The following DDX60L variants were observed in gnomAD, a reference collection of about 807,000 sequenced individuals.
DDX60L encodes the protein probable ATP-dependent RNA helicase DDX60-like.
In DDX60L, 191 loss-of-function variants were observed where a neutral mutation model predicts 211.6. That is an observed-to-expected ratio of 0.90 (90% CI 0.80 to 1.02). DDX60L has a LOEUF of 1.02. Ranked by LOEUF, DDX60L falls within the 50% of genes least tolerant of loss-of-function variation. DDX60L has a pLI of 0.00. For missense variants in DDX60L, 2,007 were observed against 1,984.1 expected (o/e 1.01, Z -0.22); for synonymous variants, 706 against 694.1 (o/e 1.02, Z -0.27).
chr4:168,466,397 C>T (rs1008937090), intron 4 of DDX60L, among the ~76,000 whole-genome samples: 7 of 152,094 alleles, frequency 4.6e-5, no homozygotes, highest in Non-Finnish European at 8.8e-5. Context: ...ATCTGTGAGG[C>T]TTTGTCACAT....
chr4:168,405,079 G>A (rs894701736), intron 24 of DDX60L, among the ~76,000 whole-genome samples: 2 of 151,768 alleles, frequency 1.3e-5, no homozygotes, highest in African/African-American at 4.8e-5. Context: ...CATGATCTTG[G>A]CTCACTGCAA....
At chr4:168,386,020 G>C (rs933720362) in intron 29 of DDX60L, among the ~76,000 whole-genome samples, 1 of 152,098 alleles carries the variant, frequency 6.6e-6, no homozygotes, top group Non-Finnish European at 1.5e-5. Flanking sequence ...AGGGGAGAGA[G>C]AGAGGGAGGA....
At position 168,379,714 on chromosome 4, in the gene DDX60L, G is replaced by A. The variant is rs1742600030; in HGVS notation, c.4221+12C>T. The stretch of plus-strand genomic sequence containing the variant: ...TAGTTACAGAGAACAAAAAGCCAAA[G>A]CACGATGATACCTCTTTGATAAGGA... On this transcript the variant is annotated intron_variant, in intron 31 of 37. Coordinates refer to ENST00000682922, the MANE Select transcript of DDX60L (RefSeq NM_001012967.3). 1 of 1,603,484 alleles carries A rather than the reference G, an allele frequency of 6.2e-7. No individual in the cohort carries two copies. The highest frequency in any genetic ancestry group is 1.7e-5 in the Admixed American group (1 of 59,504).
intron 9 of DDX60L, among the ~76,000 whole-genome samples, chr4:168,445,068 C>A (rs1754548131): frequency 9.1e-6 from 1 of 109,426 alleles, no homozygotes; most frequent in Non-Finnish European, 1.9e-5. Flanking sequence ...AAAAACCCTT[C>A]AAAAAATTAA....
At chr4:168,431,694 A>T (rs1055005057) in intron 12 of DDX60L, among the ~76,000 whole-genome samples, 1 of 152,124 alleles carries the variant, frequency 6.6e-6, no homozygotes, top group South Asian at 2.1e-4. Flanking sequence ...CTAAAACTTA[A>T]AGTATAATAA....
intron 5 of DDX60L, among the ~76,000 whole-genome samples, chr4:168,460,419 A>G (rs1757167257): frequency 1.3e-5 from 2 of 152,042 alleles, no homozygotes; most frequent in Non-Finnish European, 2.9e-5. Context: ...CCTCCATGTT[A>G]CCCATCATTT....
At chr4:168,396,478 T>C (rs746844269) in intron 26 of DDX60L, among the ~76,000 whole-genome samples, 1 of 152,072 alleles carries the variant, frequency 6.6e-6, no homozygotes, top group East Asian at 1.9e-4. Flanking sequence ...TGGCACAGTC[T>C]AGAATTAGTT....
chr4:168,470,875 C>T, intron 4 of DDX60L: 1 of 258,288 alleles, frequency 3.9e-6, no homozygotes, highest in South Asian at 3.6e-5. Flanking sequence ...ACAGGCAAAA[C>T]TCAAGAAGGC....
At chr4:168,417,924 G>A (rs1749851425) in intron 19 of DDX60L, among the ~76,000 whole-genome samples, 1 of 152,184 alleles carries the variant, frequency 6.6e-6, no homozygotes, top group Non-Finnish European at 1.5e-5. Context: ...GATCTAGTCA[G>A]ATAATCGCCC....
chr4:168,427,356 T>C, intron 13 of DDX60L, 34 bp from the exon 14 acceptor site: 2 of 1,589,912 alleles, frequency 1.3e-6, no homozygotes, highest in African/African-American at 1.3e-5. Flanking sequence ...ATGAAACAAG[T>C]GGGAAAATTC....
At chr4:168,426,918 TATA>T (rs1751544073) in intron 14 of DDX60L, among the ~76,000 whole-genome samples, 149 bp downstream of exon 14, 1 of 152,218 alleles carries the variant, frequency 6.6e-6, no homozygotes, top group Admixed American at 6.5e-5. Flanking sequence ...GTCTGCAAAA[TATA>T]ATAATAACTA....
intron 10 of DDX60L, among the ~76,000 whole-genome samples, chr4:168,439,664 T>C (rs1188082410): frequency 6.6e-6 from 1 of 152,084 alleles, no homozygotes; most frequent in Admixed American, 6.6e-5. Context: ...ACAAGCCAAT[T>C]ATAAAATTTA....
At chr4:168,387,519 G>A (rs1744110181) in intron 29 of DDX60L, among the ~76,000 whole-genome samples, 1 of 152,202 alleles carries the variant, frequency 6.6e-6, no homozygotes, top group Admixed American at 6.5e-5. Context: ...TACAGCAAAG[G>A]CTGAGTTTCT....
At chr4:168,396,646 T>C (rs1232591810) in intron 26 of DDX60L, among the ~76,000 whole-genome samples, 1 of 151,882 alleles carries the variant, frequency 6.6e-6, no homozygotes, top group African/African-American at 2.4e-5. Flanking sequence ...TCATGGCCCA[T>C]ATCATTCATT....
At chr4:168,428,019 G>T (rs989617360) in intron 13 of DDX60L, among the ~76,000 whole-genome samples, 2 of 152,226 alleles carry the variant, frequency 1.3e-5, no homozygotes, top group Non-Finnish European at 2.9e-5. Flanking sequence ...CACAGCCTGG[G>T]CCCCAGGAGC....
intron 4 of DDX60L, among the ~76,000 whole-genome samples, 153 bp from the exon 5 acceptor site, chr4:168,462,193 T>A (rs1475975537): frequency 2.0e-5 from 3 of 152,214 alleles, no homozygotes; most frequent in Non-Finnish European, 4.4e-5. Context: ...CTTTCACAAG[T>A]GCATGCCACA....
intron 4 of DDX60L, chr4:168,470,078 G>A (rs1221304126): frequency 6.6e-6 from 1 of 152,158 alleles, no homozygotes; most frequent in Non-Finnish European, 1.5e-5. Flanking sequence ...TGAAAAAGTA[G>A]GCAACATCAT....
intron 5 of DDX60L, among the ~76,000 whole-genome samples, chr4:168,459,432 T>C (rs1167557907): frequency 6.6e-6 from 1 of 152,124 alleles, no homozygotes; most frequent in Admixed American, 6.6e-5. Context: ...GACTTACTGG[T>C]AACAGTACCT....
chr4:168,455,307 T>C (rs962016403), intron 7 of DDX60L, among the ~76,000 whole-genome samples: 5 of 151,386 alleles, frequency 3.3e-5, no homozygotes, highest in Non-Finnish European at 5.9e-5. Flanking sequence ...TGTGTACTTA[T>C]GCAAGCAGGG....
Sources: allele counts gnomAD v4.1 joint callset (sites outside exome capture counted in the v4.1 genomes callset), GRCh38; gene constraint gnomAD v4.1.1; transcripts MANE v1.5; gene names NCBI Gene and HGNC (gene_info 2026-07-23, HGNC 2026-07-21).